The following PALM2AKAP2 variants were observed in gnomAD, a reference collection of about 807,000 sequenced individuals.
The protein encoded by PALM2AKAP2 is PALM2 and AKAP2 fusion.
A neutral mutation model predicts 71.5 loss-of-function variants in PALM2AKAP2; 37 were observed. The ratio of observed to expected loss-of-function variants is 0.52; its 90% CI spans 0.40 to 0.68. PALM2AKAP2 has a LOEUF of 0.68. Among genes scored for constraint, PALM2AKAP2 ranks in the 30% least tolerant of loss-of-function variants. PALM2AKAP2 has a pLI of 0.00. For synonymous variants in PALM2AKAP2, 468 were observed against 478.8 expected, an observed-to-expected ratio of 0.98 and a Z score of 0.29; for missense variants, 1,224 against 1,191.8, an observed-to-expected ratio of 1.03 and a Z score of -0.40.
At chr9:109,724,744 A>G (rs1828452242) in intron 1 of PALM2AKAP2, among the ~76,000 whole-genome samples, 2 of 152,208 alleles carry the variant, frequency 1.3e-5, no homozygotes, top group Admixed American at 6.5e-5. Context: ...ATTATGCTAC[A>G]TGCCTATGGT....
At chr9:109,670,373 G>T (rs556475873) in intron 1 of PALM2AKAP2, among the ~76,000 whole-genome samples, 1 of 152,258 alleles carries the variant, frequency 6.6e-6, no homozygotes, top group Admixed American at 6.5e-5. Flanking sequence ...TGAGGTATTT[G>T]GTTGTCTGTT....
intron 1 of PALM2AKAP2, among the ~76,000 whole-genome samples, chr9:109,864,745 T>G (rs1018981746): frequency 3.3e-5 from 5 of 152,358 alleles, no homozygotes; most frequent in African/African-American, 9.6e-5. Context: ...TCTAAAATAT[T>G]TACTTTTGTT....
chr9:110,015,929 A>G (rs1189943057), intron 6 of PALM2AKAP2, 25 bp from the exon 7 acceptor site: 5 of 1,605,516 alleles, frequency 3.1e-6, no homozygotes, highest in Non-Finnish European at 4.3e-6. Flanking sequence ...CTTGGCTCAA[A>G]TGGCACTTCT....
chr9:110,037,771 A>G (rs1833440005), intron 7 of PALM2AKAP2, among the ~76,000 whole-genome samples: 1 of 152,260 alleles, frequency 6.6e-6, no homozygotes, highest in South Asian at 2.1e-4. Flanking sequence ...TAGGAGGAGC[A>G]GGTTTTGAGA....
chr9:110,144,395 A>G (rs1189286869), intron 2 of PALM2AKAP2, among the ~76,000 whole-genome samples: 1 of 152,254 alleles, frequency 6.6e-6, no homozygotes, highest in Non-Finnish European at 1.5e-5. Context: ...ACAAAAGTCT[A>G]ATCATGGTAG....
At chr9:109,860,131 G>A (rs1829271151) in intron 1 of PALM2AKAP2, among the ~76,000 whole-genome samples, 1 of 152,212 alleles carries the variant, frequency 6.6e-6, no homozygotes, top group South Asian at 2.1e-4. Flanking sequence ...GGATGTGTCT[G>A]CTGAGCAAAC....
intron 6 of PALM2AKAP2, among the ~76,000 whole-genome samples, chr9:109,991,190 C>T (rs969651177): frequency 2.6e-5 from 4 of 151,974 alleles, no homozygotes; most frequent in African/African-American, 9.7e-5. Context: ...AGTTTTTCTT[C>T]TTCCTCTAAG....
chr9:110,035,661 GATAT>G (rs1833386030), intron 7 of PALM2AKAP2, among the ~76,000 whole-genome samples: 1 of 111,166 alleles, frequency 9.0e-6, no homozygotes, highest in Non-Finnish European at 1.7e-5. Flanking sequence ...ACATATATAG[GATAT>G]GTTGTGTGTT....
chr9:109,987,617 C>T (rs1332244084), intron 6 of PALM2AKAP2, among the ~76,000 whole-genome samples: 1 of 152,168 alleles, frequency 6.6e-6, no homozygotes, highest in Non-Finnish European at 1.5e-5. Flanking sequence ...AATTATATCT[C>T]AGTTGGCTTG....
intron 1 of PALM2AKAP2, among the ~76,000 whole-genome samples, chr9:109,835,538 C>T (rs190054232): frequency 2.3e-3 from 351 of 152,194 alleles, no homozygotes; most frequent in Non-Finnish European, 4.1e-3. Flanking sequence ...GGGTGCAGGA[C>T]AGGGGGTGCA....
chr9:109,695,411 C>G (rs906285540), intron 1 of PALM2AKAP2, among the ~76,000 whole-genome samples: 26 of 152,108 alleles, frequency 1.7e-4, no homozygotes, highest in African/African-American at 6.3e-4. Flanking sequence ...ACTTTACATT[C>G]CCACCACCAT....
chr9:109,865,689 G>A (rs1386894753), intron 1 of PALM2AKAP2, among the ~76,000 whole-genome samples: 3 of 152,170 alleles, frequency 2.0e-5, no homozygotes, highest in Admixed American at 6.5e-5. Flanking sequence ...TAATATTTGT[G>A]GAAATCTTGA....
intron 1 of PALM2AKAP2, among the ~76,000 whole-genome samples, chr9:109,827,524 G>A (rs759407791): frequency 2.6e-5 from 4 of 152,048 alleles, no homozygotes; most frequent in Non-Finnish European, 4.4e-5. Context: ...CAGAAAAATC[G>A]CTTGAACCTG....
At chr9:109,680,373 C>T (rs1400703567) in intron 1 of PALM2AKAP2, among the ~76,000 whole-genome samples, 2 of 152,244 alleles carry the variant, frequency 1.3e-5, no homozygotes, top group Non-Finnish European at 2.9e-5. Flanking sequence ...CTGCTCCCAA[C>T]ACATGGCTGT....
At chr9:109,996,246 T>G (rs1230413978) in intron 6 of PALM2AKAP2, among the ~76,000 whole-genome samples, 2 of 152,202 alleles carry the variant, frequency 1.3e-5, no homozygotes, top group African/African-American at 4.8e-5. Flanking sequence ...GTGGCAAACT[T>G]AATCATTAGA....
At chr9:110,109,769 T>TACA (rs1471749016) in intron 1 of PALM2AKAP2, among the ~76,000 whole-genome samples, 26 of 152,100 alleles carry the variant, frequency 1.7e-4, no homozygotes, top group African/African-American at 5.8e-4. Flanking sequence ...AGGGGACAGA[T>TACA]ACAGGAAAAG....
At chr9:109,691,939 T>C (rs12551472) in intron 1 of PALM2AKAP2, among the ~76,000 whole-genome samples, 1,565 of 126,242 alleles carry the variant, frequency 0.012, 30 homozygotes, top group East Asian at 0.061. Context: ...TATATATATA[T>C]ACACATATAT....
intron 2 of PALM2AKAP2, among the ~76,000 whole-genome samples, chr9:110,145,160 G>A (rs559215332): frequency 5.3e-5 from 8 of 152,146 alleles, no homozygotes; most frequent in Admixed American, 1.3e-4. Flanking sequence ...CTTCTTTTGC[G>A]GTGGCCTGGG....
intron 1 of PALM2AKAP2, among the ~76,000 whole-genome samples, chr9:109,836,073 T>C (rs1051242468): frequency 2.6e-5 from 4 of 152,184 alleles, no homozygotes; most frequent in Admixed American, 2.6e-4. Flanking sequence ...GAACGGTCAG[T>C]CTGCCTCCTC....
Sources: allele counts gnomAD v4.1 joint callset (sites outside exome capture counted in the v4.1 genomes callset), GRCh38; gene constraint gnomAD v4.1.1; transcripts MANE v1.5; gene names NCBI Gene and HGNC (gene_info 2026-07-23, HGNC 2026-07-21).